PRKCE: variants seen among roughly 807,000 people sequenced by gnomAD.
The protein encoded by PRKCE is protein kinase C epsilon type.
Under a neutral mutation model 85.4 loss-of-function variants are expected in PRKCE, and 16 were observed. The ratio of observed to expected loss-of-function variants is 0.19; its 90% CI spans 0.13 to 0.28. PRKCE has a LOEUF of 0.28. Ranked by LOEUF, PRKCE falls within the 10% of genes least tolerant of loss-of-function variation. The pLI is 1.00. For missense variants in PRKCE, 573 were observed against 975.2 expected (o/e 0.59, Z 5.49); for synonymous variants, 388 against 371.5 (o/e 1.04, Z -0.51).
intron 1 of PRKCE, among the ~76,000 whole-genome samples, chr2:45,793,811 A>G (rs1687208789): frequency 6.6e-6 from 1 of 152,238 alleles, no homozygotes; most frequent in African/African-American, 2.4e-5. Context: ...GTGCTTGTCA[A>G]GGACAAGGAC....
At chr2:45,676,196 G>A (rs796293730) in intron 1 of PRKCE, 11 of 152,276 alleles carry the variant, frequency 7.2e-5, no homozygotes, top group African/African-American at 2.6e-4. Flanking sequence ...AAGTTTCCCA[G>A]TCTCAAGATG....
At chr2:45,821,252 T>C (rs1689507114) in intron 1 of PRKCE, among the ~76,000 whole-genome samples, 1 of 152,246 alleles carries the variant, frequency 6.6e-6, no homozygotes, top group Non-Finnish European at 1.5e-5. Context: ...TTACTCAACA[T>C]TGAATATTTA....
At chr2:45,778,468 T>C (rs1685930445) in intron 1 of PRKCE, among the ~76,000 whole-genome samples, 1 of 152,152 alleles carries the variant, frequency 6.6e-6, no homozygotes, top group South Asian at 2.1e-4. Context: ...GAGTCAAGGT[T>C]TGGACTTCTG....
chr2:45,833,597 G>A (rs1558728470), intron 1 of PRKCE, among the ~76,000 whole-genome samples: 1 of 152,216 alleles, frequency 6.6e-6, no homozygotes, highest in Admixed American at 6.5e-5. Context: ...ATCAAAATAA[G>A]CACCACAGAG....
chr2:45,745,056 A>G (rs10194851), intron 1 of PRKCE, among the ~76,000 whole-genome samples: 110,506 of 152,044 alleles, frequency 0.73, 40,493 homozygotes, highest in African/African-American at 0.82. Flanking sequence ...AGAATTTTAG[A>G]CAATTGCTTG....
intron 11 of PRKCE, among the ~76,000 whole-genome samples, chr2:46,097,519 C>CAAAAAAAAAAAAAAAAAA (rs66634467): frequency 6.4e-5 from 6 of 94,116 alleles, no homozygotes; most frequent in South Asian, 4.1e-4. Context: ...GACTCCGTCT[C>CAAAAAAAAAAAAAAAAAA]AAAAAAAAAA....
At chr2:46,095,346 A>C (rs923269832) in intron 11 of PRKCE, among the ~76,000 whole-genome samples, 2 of 152,022 alleles carry the variant, frequency 1.3e-5, no homozygotes, top group African/African-American at 4.8e-5. Context: ...CAGAATACAC[A>C]TGTTTATTTA....
rs1017781400 is a variant in PRKCE, at chr2:45,983,667, A to G, written c.694-884A>G. Among the ~76,000 whole-genome samples, 107 of 152,222 alleles carry G rather than the reference A, an allele frequency of 7.0e-4. 1 individual carries two copies. The highest frequency in any genetic ancestry group is 2.5e-3 in the African/African-American group (105 of 41,542). The stretch of plus-strand genomic sequence containing the variant: ...CCTCATCTGTGAAGTTGCGGTAACC[A>G]TGGACTGCCCTGTAGGGTGGTGGTG... On this transcript the variant is annotated intron_variant, in intron 5 of 14. Transcript: ENST00000306156.
At chr2:45,755,117 C>T (rs1366182881) in intron 1 of PRKCE, among the ~76,000 whole-genome samples, 4 of 152,188 alleles carry the variant, frequency 2.6e-5, no homozygotes, top group South Asian at 2.1e-4. Context: ...GTCCTCTCTG[C>T]TGCTTCCTGA....
chr2:45,788,642 G>T (rs1686802924), intron 1 of PRKCE, among the ~76,000 whole-genome samples: 1 of 152,166 alleles, frequency 6.6e-6, no homozygotes, highest in Non-Finnish European at 1.5e-5. Flanking sequence ...TTTCAACAGT[G>T]CATGAAATGA....
At chr2:46,121,587 G>T (rs939882305) in intron 11 of PRKCE, among the ~76,000 whole-genome samples, 2 of 152,230 alleles carry the variant, frequency 1.3e-5, no homozygotes, top group Non-Finnish European at 2.9e-5. Context: ...ATGGTGCTGG[G>T]CTTGTAAAAG....
intron 10 of PRKCE, among the ~76,000 whole-genome samples, chr2:46,048,571 C>T (rs1406930783): frequency 2.0e-5 from 3 of 152,134 alleles, no homozygotes; most frequent in South Asian, 2.1e-4. Flanking sequence ...TGCCCAGTGT[C>T]GGGGTCTGTC....
chr2:45,920,873 A>G (rs1448073094), intron 2 of PRKCE, among the ~76,000 whole-genome samples: 4 of 152,246 alleles, frequency 2.6e-5, no homozygotes, highest in Non-Finnish European at 4.4e-5. Context: ...GGGTGAATTT[A>G]TGGTGTGGGA....
At chr2:45,664,343 T>C (rs1675814639) in intron 1 of PRKCE, among the ~76,000 whole-genome samples, 1 of 152,206 alleles carries the variant, frequency 6.6e-6, no homozygotes, top group Non-Finnish European at 1.5e-5. Context: ...TATGTACCAG[T>C]CTCCTCATCC....
Position 45,651,982 on chromosome 2 carries a change from C to A in PRKCE, c.-119C>A. The A allele has an allele frequency of 2.6e-6, 2 of 773,028 alleles. No homozygotes were observed. The highest frequency in any genetic ancestry group is 1.7e-5 in the African/African-American group (1 of 57,268). The allele number at this position is 773,028 out of a possible 1,614,324, so 47.9% of individuals were successfully genotyped here. ...AACGCCACAAGGTGTAGGGAGTGTG[C>A]GGGGTGGGGCGAAAGGGGACCCAAG... On this transcript the variant is annotated 5_prime_UTR_variant, in exon 1 of 15. Transcript: ENST00000306156.
At chr2:46,115,148 C>A (rs1558470582) in intron 11 of PRKCE, among the ~76,000 whole-genome samples, 1 of 152,170 alleles carries the variant, frequency 6.6e-6, no homozygotes, top group Non-Finnish European at 1.5e-5. Flanking sequence ...GGCAGCTTCT[C>A]TTTGGATTAA....
intron 10 of PRKCE, among the ~76,000 whole-genome samples, chr2:46,017,067 A>G (rs983553418): frequency 6.6e-6 from 1 of 150,912 alleles, no homozygotes; most frequent in African/African-American, 2.4e-5. Flanking sequence ...TACACATAAT[A>G]TAAAACGTGC....
At chr2:46,144,475 A>G (rs978762594) in intron 11 of PRKCE, among the ~76,000 whole-genome samples, 5 of 152,046 alleles carry the variant, frequency 3.3e-5, no homozygotes, top group African/African-American at 1.2e-4. Context: ...TGCATCAGCT[A>G]TATTGGCCTT....
chr2:45,780,279 C>T (rs1300770302), intron 1 of PRKCE, among the ~76,000 whole-genome samples: 1 of 152,146 alleles, frequency 6.6e-6, no homozygotes, highest in Non-Finnish European at 1.5e-5. Flanking sequence ...TAGATTTCTA[C>T]TCCCTCCTTT....
Sources: allele counts gnomAD v4.1 joint callset (sites outside exome capture counted in the v4.1 genomes callset), GRCh38; gene constraint gnomAD v4.1.1; transcripts MANE v1.5; gene names NCBI Gene and HGNC (gene_info 2026-07-23, HGNC 2026-07-21).